ADAMTS3: variants seen among roughly 807,000 people sequenced by gnomAD.
ADAMTS3 encodes A disintegrin and metalloproteinase with thrombospondin motifs 3.
In ADAMTS3, 73 loss-of-function variants were observed where a neutral mutation model predicts 129.0. The ratio of observed to expected loss-of-function variants is 0.57; its 90% CI spans 0.47 to 0.69. The LOEUF (loss-of-function observed/expected upper bound fraction) is 0.69. Ranked by LOEUF, ADAMTS3 falls within the 30% of genes least tolerant of loss-of-function variation. The pLI, the probability that ADAMTS3 is intolerant of heterozygous loss-of-function variation, is 0.00. For missense variants in ADAMTS3, 1,457 were observed against 1,514.5 expected (o/e 0.96, Z 0.63); for synonymous variants, 477 against 510.8 (o/e 0.93, Z 0.89).
intron 6 of ADAMTS3, among the ~76,000 whole-genome samples, chr4:72,322,460 T>A (rs1006027307): frequency 1.3e-5 from 2 of 152,200 alleles, no homozygotes; most frequent in East Asian, 1.9e-4. Flanking sequence ...TATCCAACTC[T>A]TTGCTTTTGA....
intron 3 of ADAMTS3, among the ~76,000 whole-genome samples, chr4:72,533,104 T>C (rs1184019418): frequency 1.3e-5 from 2 of 152,186 alleles, no homozygotes; most frequent in Non-Finnish European, 2.9e-5. Context: ...GATTATTTTA[T>C]AATTATACTT....
chr4:72,313,087 A>G (rs567617797), intron 12 of ADAMTS3, among the ~76,000 whole-genome samples: 5 of 149,524 alleles, frequency 3.3e-5, no homozygotes, highest in African/African-American at 1.2e-4. Context: ...AGAGAGAAAA[A>G]GCTGCTCACA....
At chr4:72,473,753 G>A (rs1163902229) in intron 3 of ADAMTS3, among the ~76,000 whole-genome samples, 1 of 152,138 alleles carries the variant, frequency 6.6e-6, no homozygotes, top group Non-Finnish European at 1.5e-5. Flanking sequence ...TACTATCAGT[G>A]GGACCATATG....
chr4:72,447,669 C>T (rs1718294359), intron 3 of ADAMTS3, among the ~76,000 whole-genome samples: 1 of 151,744 alleles, frequency 6.6e-6, no homozygotes, highest in Non-Finnish European at 1.5e-5. Context: ...TTGCCCCACA[C>T]TCCATCTTCA....
intron 20 of ADAMTS3, among the ~76,000 whole-genome samples, chr4:72,290,089 AC>A (rs1444582624): frequency 1.3e-5 from 2 of 152,144 alleles, no homozygotes; most frequent in East Asian, 3.8e-4. Context: ...AATATCTAAG[AC>A]AGGTGGTAAT....
rs529188663 is a variant in ADAMTS3, at chr4:72,556,124, C to CAGGA, written c.98-7244_98-7241dup. On this transcript the variant is annotated intron_variant, in intron 2 of 21. Transcript: ENST00000286657. ...TAATACATAGCCTTAGTGTATATTA[C>CAGGA]AGGAAGGAAGGAAGGAAGGAGAGGG... 2.6e-3 allele frequency among the ~76,000 whole-genome samples: 390 copies of CAGGA among 151,444 alleles called. 2 individuals carry two copies. Among genetic ancestry groups the CAGGA allele is most frequent in the East Asian group, 8.0e-3 (41 of 5,136 alleles).
At chr4:72,304,682 T>C (rs1462715046) in intron 16 of ADAMTS3, among the ~76,000 whole-genome samples, 1 of 152,088 alleles carries the variant, frequency 6.6e-6, no homozygotes, top group African/African-American at 2.4e-5. Flanking sequence ...TTACATATTA[T>C]ACAATGAAAT....
intron 3 of ADAMTS3, among the ~76,000 whole-genome samples, chr4:72,425,809 T>C (rs1420497153): frequency 2.6e-5 from 4 of 151,814 alleles, no homozygotes; most frequent in Admixed American, 6.6e-5. Flanking sequence ...TGCATGTGTC[T>C]TTATAGCAGC....
At chr4:72,295,833 T>G (rs779761485) in intron 18 of ADAMTS3, 47 bp from the exon 19 acceptor site, 11 of 1,584,924 alleles carry the variant, frequency 6.9e-6, no homozygotes. Flanking sequence ...TTCTTCATGC[T>G]GATAGTTACT....
chr4:72,567,523 G>A, intron 1 of ADAMTS3, 122 bp from the exon 2 acceptor site: 1 of 956,314 alleles, frequency 1.0e-6, no homozygotes, highest in Non-Finnish European at 1.6e-6. Flanking sequence ...GCTAGAGACT[G>A]GGATTGGTGC....
intron 4 of ADAMTS3, among the ~76,000 whole-genome samples, chr4:72,405,698 C>T (rs1722033499): frequency 6.6e-6 from 1 of 152,022 alleles, no homozygotes; most frequent in Non-Finnish European, 1.5e-5. Flanking sequence ...CCCTTTTGGT[C>T]TTAGGATGCC....
intron 3 of ADAMTS3, among the ~76,000 whole-genome samples, chr4:72,476,540 TGAA>T (rs568110999): frequency 2.0e-3 from 301 of 152,138 alleles, no homozygotes; most frequent in African/African-American, 6.8e-3. Flanking sequence ...ACCAAATGGT[TGAA>T]GAAGAATTAA....
chr4:72,471,587 C>T (rs184864645), intron 3 of ADAMTS3, among the ~76,000 whole-genome samples: 1 of 151,934 alleles, frequency 6.6e-6, no homozygotes, highest in Admixed American at 6.6e-5. Flanking sequence ...TATACTTCAA[C>T]CAAAACAACA....
rs909760261 is a variant in ADAMTS3, at chr4:72,557,863, G to T, written c.98-8979C>A. Among the ~76,000 whole-genome samples the T allele has an allele frequency of 3.3e-5, 5 of 151,730 alleles. No homozygotes were observed. The South Asian group carries it at 1.0e-3, about 31-fold the overall frequency. On this transcript the variant is annotated intron_variant, in intron 2 of 21. Transcript: ENST00000286657. The stretch of plus-strand genomic sequence containing the variant: ...TAACAAAATAAGTAAAAAACATTTT[G>T]TTTTTAAGTGAAGCCCAAATGCCAA...
At position 72,392,964 on chromosome 4, in the gene ADAMTS3, C is replaced by T. The variant is rs184295490; in HGVS notation, c.661+21851G>A. 1.7e-3 allele frequency among the ~76,000 whole-genome samples: 250 copies of T among 147,618 alleles called. 1 individual carries two copies. The highest frequency in any genetic ancestry group is 5.4e-3 in the African/African-American group (216 of 39,822). On this transcript the variant is annotated intron_variant, in intron 4 of 21. Transcript: ENST00000286657. ...TTTCTGAGATGGAGTCTCACCCTGT[C>T]GCCCAGGCTGGAGTGCAATGGCGCA...
chr4:72,450,417 T>G (rs1210939228), intron 3 of ADAMTS3, among the ~76,000 whole-genome samples: 1 of 151,716 alleles, frequency 6.6e-6, no homozygotes, highest in East Asian at 2.0e-4. Flanking sequence ...AGGTAAGACT[T>G]GCTTATTGTG....
intron 13 of ADAMTS3, 61 bp from the exon 14 acceptor site, chr4:72,311,242 GTTTAT>G (rs760971188): frequency 3.2e-5 from 45 of 1,403,196 alleles, no homozygotes; most frequent in African/African-American, 2.8e-4. Flanking sequence ...GAACAGCATA[GTTTAT>G]TTTATTTTTA....
intron 2 of ADAMTS3, among the ~76,000 whole-genome samples, chr4:72,556,422 G>A (rs1339409217): frequency 6.6e-6 from 1 of 151,724 alleles, no homozygotes; most frequent in Non-Finnish European, 1.5e-5. Context: ...CTATAGAACT[G>A]TAAAAGAACA....
At chr4:72,477,731 C>A (rs1017838114) in intron 3 of ADAMTS3, among the ~76,000 whole-genome samples, 6 of 151,780 alleles carry the variant, frequency 4.0e-5, no homozygotes, top group Non-Finnish European at 8.8e-5. Context: ...AAAAACCCTT[C>A]AAAAAATCAA....
Sources: gnomAD v4.1 joint callset for allele counts (sites outside exome capture counted in the v4.1 genomes callset) on GRCh38, gnomAD v4.1.1 for gene constraint, MANE v1.5 for transcripts, NCBI Gene and HGNC (gene_info 2026-07-23, HGNC 2026-07-21) for gene names.